Variants in ZNF592 observed in about 807,000 individuals in gnomAD.
The protein encoded by ZNF592 is spinocerebellar ataxia, autosomal recessive 5.
A neutral mutation model predicts 80.3 loss-of-function variants in ZNF592; 11 were observed. That is an observed-to-expected ratio of 0.14 (90% confidence interval 0.09 to 0.23). The LOEUF is 0.23. Among genes scored for constraint, ZNF592 ranks in the 10% least tolerant of loss-of-function variants. The pLI is 1.00. For synonymous variants in ZNF592, 646 were observed against 640.3 expected, an observed-to-expected ratio of 1.01 and a Z score of -0.13; for missense variants, 1,420 against 1,633.9, an observed-to-expected ratio of 0.87 and a Z score of 2.26.
At chr15:84,750,968 A>G (rs975678740) in intron 1 of ZNF592, among the ~76,000 whole-genome samples, 1 of 152,168 alleles carries the variant, frequency 6.6e-6, no homozygotes, top group African/African-American at 2.4e-5. Context: ...ATGACATGAT[A>G]TTTACATTTT....
At chr15:84,759,395 G>T (rs1157876736) in intron 1 of ZNF592, among the ~76,000 whole-genome samples, 2 of 152,116 alleles carry the variant, frequency 1.3e-5, no homozygotes, top group African/African-American at 2.4e-5. Context: ...GAGGAGAGAG[G>T]TGGTGGCCAT....
At position 84,803,292 on chromosome 15, in the gene ZNF592, C is replaced by T. The variant is rs908630315; in HGVS notation, c.*899C>T. Reference sequence around the variant, plus strand: ...CTATATTTCAAATAAAAAATCTTCTCACCATGCAGGTAGGCTCTTGTATTC... The same window carrying T: ...CTATATTTCAAATAAAAAATCTTCTTACCATGCAGGTAGGCTCTTGTATTC... On this transcript the variant is annotated 3_prime_UTR_variant, in exon 11 of 11. Coordinates refer to ENST00000560079, the MANE Select transcript of ZNF592 (RefSeq NM_014630.3). 6.5e-6 allele frequency: 1 copy of T among 152,676 alleles called. No individual in the cohort carries two copies. Among genetic ancestry groups the T allele is most frequent in the Non-Finnish European group, 1.5e-5 (1 of 68,056 alleles). The allele number at this position is 152,676 out of a possible 1,614,324, so 9.5% of individuals were successfully genotyped here.
At chr15:84,750,389 C>G (rs912318774) in intron 1 of ZNF592, among the ~76,000 whole-genome samples, 5 of 152,056 alleles carry the variant, frequency 3.3e-5, no homozygotes, top group African/African-American at 4.8e-5. Flanking sequence ...ATGCAGTGAA[C>G]AAAGAAAGCA....
In ZNF592 at chr15:84,804,333, G is replaced by A. The variant is rs1356728356; in HGVS notation, c.*1940G>A. 3 of 152,266 alleles carry A rather than the reference G, an allele frequency of 2.0e-5. No homozygotes were observed. Among genetic ancestry groups the A allele is most frequent in the Non-Finnish European group, 4.4e-5 (3 of 68,050 alleles). The allele number at this position is 152,266 out of a possible 1,614,324, so 9.4% of individuals were successfully genotyped here. A position where few individuals can be genotyped will look rare whatever the true frequency, so the allele number is the denominator to read the frequency against. On this transcript the variant is annotated 3_prime_UTR_variant, in exon 11 of 11. Transcript: ENST00000560079. ...TGGGTTCCAGAGGAGGCTGATAGAA[G>A]GGTTTGAAATGACTGGCTGGATCCC...
intron 3 of ZNF592, among the ~76,000 whole-genome samples, chr15:84,781,862 G>A (rs1171602527): frequency 6.6e-6 from 1 of 152,192 alleles, no homozygotes; most frequent in African/African-American, 2.4e-5. Context: ...TGCTTTCCCA[G>A]ATCATGAAGG....
At chr15:84,788,262 A>G (rs62019472) in intron 4 of ZNF592, among the ~76,000 whole-genome samples, 29,656 of 152,196 alleles carry the variant, frequency 0.19, 3,647 homozygotes, top group Middle Eastern at 0.36. Context: ...TGATCCCTTC[A>G]TTGTAAAGCT....
intron 10 of ZNF592, 116 bp from the exon 11 acceptor site, chr15:84,801,747 C>T: frequency 6.8e-7 from 1 of 1,475,026 alleles, no homozygotes; most frequent in Admixed American, 1.8e-5. Flanking sequence ...GCGTTCAGGG[C>T]TGGGGTGACC....
chr15:84,777,583 C>T (rs1338687986), intron 2 of ZNF592, among the ~76,000 whole-genome samples: 1 of 151,218 alleles, frequency 6.6e-6, no homozygotes, highest in African/African-American at 2.4e-5. Flanking sequence ...ATAATAACCA[C>T]CAAAGTGCTA....
chr15:84,768,977 G>T (rs1243495592), intron 2 of ZNF592, among the ~76,000 whole-genome samples: 8 of 152,052 alleles, frequency 5.3e-5, no homozygotes, highest in Non-Finnish European at 1.0e-4. Context: ...GTGTCCATCT[G>T]TTGCCCAGAC....
At chr15:84,779,399 T>C (rs899483284) in intron 3 of ZNF592, among the ~76,000 whole-genome samples, 3 of 152,340 alleles carry the variant, frequency 2.0e-5, no homozygotes, top group African/African-American at 4.8e-5. Context: ...TTCACAGTTA[T>C]TGATTGCTGC....
chr15:84,805,683 C>T lies in ZNF592; in HGVS notation c.*3290C>T, dbSNP rs1235679353. The stretch of plus-strand genomic sequence containing the variant: ...CTTTGCCTTCCCCAAGACTGGGGAA[C>T]CTCTGTCCTGTTCACCACTGTATAT... On this transcript the variant is annotated 3_prime_UTR_variant, in exon 11 of 11. Transcript: ENST00000560079. The T allele has an allele frequency of 2.6e-5, 4 of 152,608 alleles. No individual in the cohort carries two copies. Among genetic ancestry groups the T allele is most frequent in the Non-Finnish European group, 5.9e-5 (4 of 68,042 alleles). 9.5% of individuals were successfully genotyped at this position (152,608 alleles called of 1,614,324 possible).
At chr15:84,790,444 C>T (rs1962714914) in intron 4 of ZNF592, among the ~76,000 whole-genome samples, 2 of 152,128 alleles carry the variant, frequency 1.3e-5, no homozygotes, top group Non-Finnish European at 2.9e-5. Flanking sequence ...AAACACAGTC[C>T]TGGGGCGGAA....
intron 2 of ZNF592, among the ~76,000 whole-genome samples, chr15:84,773,077 T>C (rs1023467940): frequency 6.6e-6 from 1 of 152,218 alleles, no homozygotes; most frequent in East Asian, 1.9e-4. Context: ...TTTTTATTTT[T>C]AGATTTGAAT....
Position 84,798,982 on chromosome 15 carries a change from A to G in ZNF592, c.3024+107A>G. ...GTGCTTAGGGCAGGGTGGGTACCAC[A>G]GATCTTGAGGTCTTCGGGAGTATCC... On this transcript the variant is annotated intron_variant, in intron 8 of 10. Coordinates refer to ENST00000560079, the MANE Select transcript of ZNF592 (RefSeq NM_014630.3). The surrounding 1 kb of genome is among the most constrained non-coding windows in gnomAD (Gnocchi z 4.5). 1 of 1,592,334 alleles carries G rather than the reference A, an allele frequency of 6.3e-7. No homozygotes were observed. The highest frequency in any genetic ancestry group is 8.6e-7 in the Non-Finnish European group (1 of 1,163,328).
At chr15:84,761,253 AC>A (rs1899342343) in intron 1 of ZNF592, among the ~76,000 whole-genome samples, 1 of 151,748 alleles carries the variant, frequency 6.6e-6, no homozygotes, top group African/African-American at 2.4e-5. Flanking sequence ...GGCATGAACC[AC>A]CATGCCCGGC....
intron 10 of ZNF592, among the ~76,000 whole-genome samples, chr15:84,801,424 C>G (rs563637401): frequency 6.6e-6 from 1 of 152,190 alleles, no homozygotes; most frequent in African/African-American, 2.4e-5. Flanking sequence ...CGCTTAAGCC[C>G]GGTAGGTCAA....
chr15:84,760,270 C>A (rs1899311349), intron 1 of ZNF592, among the ~76,000 whole-genome samples: 1 of 152,188 alleles, frequency 6.6e-6, no homozygotes, highest in African/African-American at 2.4e-5. Flanking sequence ...GCTTCCCAGC[C>A]ATATCTCCTA....
chr15:84,782,082 A>G (rs1348195236), intron 3 of ZNF592, among the ~76,000 whole-genome samples: 2 of 152,244 alleles, frequency 1.3e-5, no homozygotes, highest in East Asian at 3.8e-4. Flanking sequence ...TCTGCTGAAC[A>G]GAGAAAAAAT....
At chr15:84,795,738 A>G (rs1962876423) in intron 5 of ZNF592, among the ~76,000 whole-genome samples, 1 of 152,230 alleles carries the variant, frequency 6.6e-6, no homozygotes, top group Admixed American at 6.5e-5. Context: ...AAAATTAAGT[A>G]AGTAACTTGA....
Sources: gnomAD v4.1 joint callset for allele counts (sites outside exome capture counted in the v4.1 genomes callset) on GRCh38, gnomAD v4.1.1 for gene constraint, Gnocchi (gnomAD v3.1) non-coding constraint, MANE v1.5 for transcripts, NCBI Gene and HGNC (gene_info 2026-07-23, HGNC 2026-07-21) for gene names.